CUL2: variants seen among roughly 807,000 people sequenced by gnomAD.
CUL2 encodes the protein cullin 2.
A neutral mutation model predicts 110.2 loss-of-function variants in CUL2; 22 were observed. The ratio of observed to expected loss-of-function variants is 0.20; its 90% confidence interval spans 0.14 to 0.28. The LOEUF is 0.28. CUL2 is among the 10% of genes least tolerant of loss of function. The pLI, the probability that CUL2 is intolerant of heterozygous loss-of-function variation, is 1.00. For synonymous variants in CUL2, 279 were observed against 293.2 expected, an observed-to-expected ratio of 0.95 and a Z score of 0.49; for missense variants, 631 against 905.5, an observed-to-expected ratio of 0.70 and a Z score of 3.89.
chr10:35,025,211 A>G lies in CUL2; in HGVS notation c.1618-13T>C. On this transcript the variant is annotated splice_polypyrimidine_tract_variant and intron_variant, in intron 16 of 20. Transcript: ENST00000374749. ...AAAATAATTCAAACTGTAAAAAAAAAAAAAAAACACACATTATTTTTAGCT... is the reference window on the plus strand; with the variant it reads ...AAAATAATTCAAACTGTAAAAAAAAGAAAAAAACACACATTATTTTTAGCT... The G allele has an allele frequency of 6.4e-7, 1 of 1,562,020 alleles. No individual in the cohort carries two copies. The highest frequency in any genetic ancestry group is 1.2e-5 in the South Asian group (1 of 81,692).
intron 8 of CUL2, among the ~76,000 whole-genome samples, chr10:35,043,233 A>G (rs561983164): frequency 9.9e-5 from 15 of 152,280 alleles, no homozygotes; most frequent in African/African-American, 3.4e-4. Context: ...TTTGACAGCC[A>G]GACAGAGCAA....
intron 4 of CUL2, 146 bp downstream of exon 4, chr10:35,060,728 C>G: frequency 3.1e-6 from 2 of 647,136 alleles, no homozygotes; most frequent in Non-Finnish European, 5.2e-6. Context: ...ATAGACCTTT[C>G]CCCACAGCAG....
chr10:35,020,163 AT>A (rs557944803), intron 17 of CUL2, among the ~76,000 whole-genome samples: 29 of 145,894 alleles, frequency 2.0e-4, no homozygotes, highest in Middle Eastern at 3.5e-3. Context: ...TAGAAAACAA[AT>A]TTAAAAAAAA....
intron 2 of CUL2, among the ~76,000 whole-genome samples, chr10:35,099,841 A>G (rs908708347): frequency 2.6e-5 from 4 of 152,346 alleles, no homozygotes; most frequent in African/African-American, 9.6e-5. Flanking sequence ...TAAATAAAAT[A>G]TGTGTTAAGT....
At chr10:35,091,331 C>T (rs1203454136), upstream of CUL2, among the ~76,000 whole-genome samples, 1 of 152,184 alleles carries the variant, frequency 6.6e-6, no homozygotes, top group Non-Finnish European at 1.5e-5. Context: ...CTTCAAGGCC[C>T]ATTTAAAACC....
At chr10:35,108,979 G>A (rs923031446) in intron 1 of CUL2, among the ~76,000 whole-genome samples, 37 of 152,162 alleles carry the variant, frequency 2.4e-4, no homozygotes, top group African/African-American at 8.2e-4. Context: ...TTGGGAGGCC[G>A]AAGTGGGTGG....
At chr10:35,116,263 A>T (rs2087598915) in intron 1 of CUL2, among the ~76,000 whole-genome samples, 1 of 151,996 alleles carries the variant, frequency 6.6e-6, no homozygotes, top group African/African-American at 2.4e-5. Flanking sequence ...GAATTCCTTG[A>T]ACCTGGGAGG....
intron 1 of CUL2, among the ~76,000 whole-genome samples, chr10:35,114,481 C>T (rs1358282286): frequency 6.6e-6 from 1 of 151,938 alleles, no homozygotes; most frequent in Non-Finnish European, 1.5e-5. Context: ...CTCCCAGGTT[C>T]CAGCGATTCT....
chr10:35,011,790 T>C, intron 20 of CUL2, 58 bp downstream of exon 20: 3 of 828,612 alleles, frequency 3.6e-6, no homozygotes, highest in Non-Finnish European at 6.0e-6. Flanking sequence ...AGAGACTGAA[T>C]CTGTACAATG....
In CUL2 at chr10:35,033,215, A is replaced by G; in HGVS notation, c.1061T>C (p.Ile354Thr). Reference sequence around the variant, plus strand: ...CTGATCACCATTCAAAACAGTGTTGATAAGCTGAACAAATTTACCATGCAC... The same window carrying G: ...CTGATCACCATTCAAAACAGTGTTGGTAAGCTGAACAAATTTACCATGCAC... ...LEVHGKFVQL[I>T]NTVLNGDQHF... Residue 354 changes from isoleucine to threonine, a missense_variant, in exon 11 of 21, where the codon ATC becomes ACC. Ile to Thr is a moderately conservative substitution (Grantham distance 89). Transcript: ENST00000374749. 6.2e-7 allele frequency: 1 copy of G among 1,613,822 alleles called. No individual in the cohort carries two copies. Among genetic ancestry groups the G allele is most frequent in the African/African-American group, 1.3e-5 (1 of 75,034 alleles).
At chr10:35,074,885 T>C (rs2086773288) in intron 1 of CUL2, among the ~76,000 whole-genome samples, 1 of 152,180 alleles carries the variant, frequency 6.6e-6, no homozygotes, top group Non-Finnish European at 1.5e-5. Context: ...TCTATTAGAG[T>C]ACTTCATCGC....
intron 6 of CUL2, among the ~76,000 whole-genome samples, chr10:35,047,638 C>T (rs1430515117): frequency 1.3e-5 from 2 of 151,140 alleles, no homozygotes; most frequent in South Asian, 2.1e-4. Context: ...GGCATAAAGG[C>T]CGGGTGCGGT....
chr10:35,103,687 T>G (rs1281613537), intron 1 of CUL2, among the ~76,000 whole-genome samples: 1 of 152,078 alleles, frequency 6.6e-6, no homozygotes, highest in Admixed American at 6.6e-5. Flanking sequence ...CTCGAACACC[T>G]GACCTCAAGT....
chr10:35,096,954 C>T (rs1283694070), intron 2 of CUL2, among the ~76,000 whole-genome samples: 5 of 151,932 alleles, frequency 3.3e-5, no homozygotes, highest in African/African-American at 7.3e-5. Flanking sequence ...GGATTACAGA[C>T]GCCTTCCACC....
At chr10:35,071,470 T>C (rs1299487793) in intron 1 of CUL2, 131 bp from the exon 2 acceptor site, 4 of 703,156 alleles carry the variant, frequency 5.7e-6, no homozygotes, top group Admixed American at 5.7e-5. Context: ...AATGGCGTGA[T>C]CTTGGCTCAC....
intron 19 of CUL2, 124 bp from the exon 20 acceptor site, chr10:35,012,088 CTG>C (rs2084917666): frequency 6.7e-6 from 4 of 596,454 alleles, no homozygotes; most frequent in African/African-American, 1.9e-5. Context: ...GGGTTTCACT[CTG>C]TCGTCCTGGC....
intron 16 of CUL2, among the ~76,000 whole-genome samples, chr10:35,025,933 A>G (rs1048923240): frequency 6.6e-6 from 1 of 152,210 alleles, no homozygotes; most frequent in Admixed American, 6.5e-5. Flanking sequence ...ATGATGTACC[A>G]TATATAACAT....
At chr10:35,021,672 T>C (rs2134666573) in intron 17 of CUL2, among the ~76,000 whole-genome samples, 1 of 151,422 alleles carries the variant, frequency 6.6e-6, no homozygotes, top group South Asian at 2.1e-4. Context: ...TGCCTGGTCT[T>C]CTCACTCTGG....
At chr10:35,015,600 T>C (rs966686691) in intron 18 of CUL2, among the ~76,000 whole-genome samples, 1 of 152,132 alleles carries the variant, frequency 6.6e-6, no homozygotes, top group Non-Finnish European at 1.5e-5. Context: ...TATTTAAACA[T>C]CTAGGATATA....
Sources: gnomAD v4.1 joint callset for allele counts (sites outside exome capture counted in the v4.1 genomes callset) on GRCh38, gnomAD v4.1.1 for gene constraint, MANE v1.5 for transcripts, NCBI Gene and HGNC (gene_info 2026-07-23, HGNC 2026-07-21) for gene names.